CHN2: variants seen among roughly 807,000 people sequenced by gnomAD.
The protein encoded by CHN2 is chimerin 2, also known as beta-chimaerin.
CHN2 carries 35 observed loss-of-function variants against 56.3 expected under a neutral mutation model. The observed-to-expected ratio is 0.62, with a 90% CI of 0.47 to 0.82. The LOEUF is 0.82. Ranked by LOEUF, CHN2 falls within the 40% of genes least tolerant of loss-of-function variation. The pLI, the probability that CHN2 is intolerant of heterozygous loss-of-function variation, is 0.00. For synonymous variants in CHN2, 210 were observed against 212.8 expected (o/e 0.99, Z 0.12); for missense variants, 491 against 580.5 (o/e 0.85, Z 1.58).
chr7:29,294,533 C>A (rs1792964642), intron 1 of CHN2, among the ~76,000 whole-genome samples: 1 of 152,060 alleles, frequency 6.6e-6, no homozygotes, highest in Non-Finnish European at 1.5e-5. Context: ...CAAGAAGATA[C>A]CATTTTTGTG....
intron 1 of CHN2, among the ~76,000 whole-genome samples, chr7:29,262,185 C>CA (rs1373902176): frequency 1.3e-4 from 20 of 151,886 alleles, no homozygotes; most frequent in African/African-American, 4.6e-4. Context: ...AAACAACAAC[C>CA]AAAAAAACAA....
chr7:29,479,977 C>G (rs1786969303), intron 6 of CHN2: 3 of 1,464,144 alleles, frequency 2.0e-6, no homozygotes, highest in Non-Finnish European at 2.7e-6. Flanking sequence ...AGGTCACATG[C>G]CGGAGGCTGC....
At chr7:29,388,143 T>C (rs965497631) in intron 3 of CHN2, among the ~76,000 whole-genome samples, 1 of 152,252 alleles carries the variant, frequency 6.6e-6, no homozygotes, top group Non-Finnish European at 1.5e-5. Flanking sequence ...TTTGAAGCTT[T>C]GCTGCGCTAT....
intron 3 of CHN2, among the ~76,000 whole-genome samples, chr7:29,391,165 C>T (rs1302198421): frequency 1.3e-5 from 2 of 151,976 alleles, no homozygotes; most frequent in African/African-American, 2.4e-5. Flanking sequence ...TCAAAATGGC[C>T]CTCAACCAGT....
chr7:29,282,016 G>A (rs1416871283), intron 1 of CHN2, among the ~76,000 whole-genome samples: 6 of 151,832 alleles, frequency 4.0e-5, no homozygotes, highest in South Asian at 4.2e-4. Flanking sequence ...GTGTTGACTC[G>A]GCAGTGGCGT....
At chr7:29,507,076 C>T (rs927061210) in intron 10 of CHN2, 152 bp from the exon 11 acceptor site, 1 of 596,478 alleles carries the variant, frequency 1.7e-6, no homozygotes, top group Non-Finnish European at 2.8e-6. Context: ...CTTTCTGTTG[C>T]CTCCTACACT....
chr7:29,497,988 C>A (rs1387273468), intron 8 of CHN2, among the ~76,000 whole-genome samples: 1 of 151,994 alleles, frequency 6.6e-6, no homozygotes, highest in Non-Finnish European at 1.5e-5. Flanking sequence ...GTAGTGGTTG[C>A]ATAACAGTGT....
chr7:29,335,690 CT>C (rs1241418521), intron 1 of CHN2: 2 of 152,246 alleles, frequency 1.3e-5, no homozygotes, highest in East Asian at 3.9e-4. Context: ...CTCGATTGTT[CT>C]TTTCCTCTTT....
chr7:29,426,025 A>G (rs891123150), intron 6 of CHN2, among the ~76,000 whole-genome samples: 3 of 152,046 alleles, frequency 2.0e-5, no homozygotes, highest in Non-Finnish European at 4.4e-5. Context: ...CCTGGCCAAC[A>G]TGGTGAAACC....
intron 2 of CHN2, among the ~76,000 whole-genome samples, chr7:29,357,460 A>G (rs1798397511): frequency 6.6e-6 from 1 of 152,190 alleles, no homozygotes; most frequent in African/African-American, 2.4e-5. Context: ...AGCTCATGCT[A>G]CTCCATCTTA....
chr7:29,384,525 C>A (rs2128062536), intron 3 of CHN2, among the ~76,000 whole-genome samples: 1 of 152,248 alleles, frequency 6.6e-6, no homozygotes, highest in East Asian at 1.9e-4. Context: ...CTGGCCCTCC[C>A]CTTAGTGGAG....
intron 1 of CHN2, among the ~76,000 whole-genome samples, chr7:29,303,051 G>A (rs1028336022): frequency 2.0e-5 from 3 of 152,082 alleles, no homozygotes; most frequent in Admixed American, 6.6e-5. Context: ...AGGTTCCAGG[G>A]GTCTGACTCA....
chr7:29,442,099 T>C (rs1329557760), intron 6 of CHN2, among the ~76,000 whole-genome samples: 1 of 152,198 alleles, frequency 6.6e-6, no homozygotes, highest in Non-Finnish European at 1.5e-5. Context: ...TATTTGGCTG[T>C]AAAAAGAATG....
intron 6 of CHN2, among the ~76,000 whole-genome samples, chr7:29,412,604 C>T (rs1248763274): frequency 1.1e-4 from 16 of 152,130 alleles, no homozygotes; most frequent in African/African-American, 3.9e-4. Context: ...GCTGGGATTA[C>T]AGGCGTGAGC....
chr7:29,346,307 C>T (rs34523634), intron 1 of CHN2, among the ~76,000 whole-genome samples: 2,391 of 152,322 alleles, frequency 0.016, 31 homozygotes, highest in Non-Finnish European at 0.026. Flanking sequence ...TGTGCACAGA[C>T]ACAACATCCC....
intron 5 of CHN2, 65 bp downstream of exon 5, chr7:29,398,551 T>C (rs1029075148): frequency 2.0e-6 from 2 of 1,016,364 alleles, no homozygotes; most frequent in Non-Finnish European, 3.1e-6. Context: ...TTTGCCCATT[T>C]TTAAGAATTG....
intron 1 of CHN2, among the ~76,000 whole-genome samples, chr7:29,345,779 G>C (rs576412205): frequency 6.6e-6 from 1 of 152,192 alleles, no homozygotes; most frequent in South Asian, 2.1e-4. Context: ...GCTCAAGACA[G>C]AAGCTCCATG....
In CHN2 at chr7:29,482,797, C is replaced by CTTTTTTTTTTTTTTTTTTT. The variant is rs375120538; in HGVS notation, c.654+2465_654+2483dup. Among the ~76,000 whole-genome samples the CTTTTTTTTTTTTTTTTTTT allele has an allele frequency of 1.2e-4, 8 of 64,214 alleles. 3 individuals carry two copies. The highest frequency in any genetic ancestry group is 2.3e-4 in the Non-Finnish European group (8 of 34,262). 42.1% of individuals were successfully genotyped at this position (64,214 alleles called of 152,430 possible). On this transcript the variant is annotated intron_variant, in intron 7 of 12. Coordinates refer to ENST00000222792, the MANE Select transcript of CHN2 (RefSeq NM_004067.4). ...TGCTAGGTGCTGTCTGCACTTTTTTCTTTTTTTTTTTTTTTTTTTTTTTTT... is the reference window on the plus strand; with the variant it reads ...TGCTAGGTGCTGTCTGCACTTTTTTCTTTTTTTTTTTTTTTTTTTTTTTTTTTTTTTTTTTTTTTTTTTT...
intron 1 of CHN2, among the ~76,000 whole-genome samples, chr7:29,300,617 TA>T (rs1240490538): frequency 2.0e-5 from 3 of 152,100 alleles, no homozygotes; most frequent in East Asian, 1.9e-4. Flanking sequence ...TTTGTAAAGC[TA>T]AAAAAAAGTA....
Sources: gnomAD v4.1 joint callset for allele counts (sites outside exome capture counted in the v4.1 genomes callset) on GRCh38, gnomAD v4.1.1 for gene constraint, MANE v1.5 for transcripts, NCBI Gene and HGNC (gene_info 2026-07-23, HGNC 2026-07-21) for gene names.